Variants in PCDHGB4 observed in about 807,000 individuals in gnomAD.
The protein encoded by PCDHGB4 is protocadherin gamma subfamily B, 4, also known as protocadherin gamma-B4.
PCDHGB4 carries 38 observed loss-of-function variants against 60.5 expected under a neutral mutation model. The ratio of observed to expected loss-of-function variants is 0.63; its 90% CI spans 0.48 to 0.82. The LOEUF is 0.82. Ranked by LOEUF, PCDHGB4 falls within the 40% of genes least tolerant of loss-of-function variation. PCDHGB4 has a pLI of 0.00. For synonymous variants in PCDHGB4, 456 were observed against 509.7 expected (o/e 0.89, Z 1.42); for missense variants, 1,109 against 1,209.6 (o/e 0.92, Z 1.23).
intron 1 of PCDHGB4, chr5:141,395,290 T>A: frequency 6.5e-7 from 1 of 1,529,840 alleles, no homozygotes; most frequent in Non-Finnish European, 8.8e-7. Flanking sequence ...TTATTTGGCA[T>A]AAATTATGTT....
Position 141,486,676 on chromosome 5 carries a change from T to A in PCDHGB4, c.2398-8131T>A, listed in dbSNP as rs375080564. On this transcript the variant is annotated intron_variant, in intron 1 of 3. Coordinates refer to ENST00000519479, the MANE Select transcript of PCDHGB4 (RefSeq NM_003736.4). This position sits in a 1 kb window ranked among gnomAD's most constrained non-coding sequence, Gnocchi z 5.0. ...CACTCCTGGAGCCCAGGAATCGAGA[T>A]GTATCAGCTTCCTCTTTCATCTCTC... 3 of 1,614,002 alleles carry A rather than the reference T, an allele frequency of 1.9e-6. No homozygotes were observed. The highest frequency in any genetic ancestry group is 2.5e-6 in the Non-Finnish European group (3 of 1,180,036).
At position 141,509,122 on chromosome 5, in the gene PCDHGB4, G is replaced by A. The variant is rs2099875312; in HGVS notation, c.2546-1825G>A. 2.0e-5 allele frequency among the ~76,000 whole-genome samples: 3 copies of A among 152,154 alleles called. No homozygotes were observed. In the South Asian group the frequency reaches 6.2e-4, roughly 32 times the overall value. The stretch of plus-strand genomic sequence containing the variant: ...AGAAACCTGAGCGCTGGTGCGTGAA[G>A]AGAAAAACCGAGGCGCATCCCGGCT... On this transcript the variant is annotated intron_variant, in intron 3 of 3. Transcript: ENST00000519479.
chr5:141,510,995 G>T lies in PCDHGB4; in HGVS notation c.2594G>T (p.Gly865Val). ...STLGGGAGTM[G>V]LSARYGPQFT... is the part of the protein sequence containing the mutation. ...CTGGGAGGGGGTGCCGGCACCATGG[G>T]ATTGAGCGCCCGCTACGGACCCCAG... is the stretch of plus-strand genomic sequence containing the variant. Residue 865 changes from glycine to valine, a missense_variant, in exon 4 of 4, where the codon GGA becomes GTA. Physicochemically the swap from Gly to Val is moderately radical, Grantham distance 109. Around this residue, in one of 2 missense-constraint regions of PCDHGB4, gnomAD observed 1,068 missense variants for 1,089.9 expected, o/e 0.98. Coordinates refer to ENST00000519479, the MANE Select transcript of PCDHGB4 (RefSeq NM_003736.4). The T allele has an allele frequency of 6.2e-7, 1 of 1,614,172 alleles. No individual in the cohort carries two copies. Among genetic ancestry groups the T allele is most frequent in the Non-Finnish European group, 8.5e-7 (1 of 1,180,018 alleles).
Position 141,388,020 on chromosome 5 carries a change from G to A in PCDHGB4, c.136G>A (p.Val46Ile), listed in dbSNP as rs549084224. ...RIPEEMPKGS[V>I]VGNLATDLGF... ...TCCCGAGGAAATGCCCAAGGGCTCCGTAGTGGGGAACCTCGCCACGGACCT... is the reference window on the plus strand; with the variant it reads ...TCCCGAGGAAATGCCCAAGGGCTCCATAGTGGGGAACCTCGCCACGGACCT... Residue 46 changes from valine (V) to isoleucine (I), a missense_variant, in exon 1 of 4, where the codon GTA becomes ATA. By Grantham distance (29) the Val-to-Ile change is conservative. Around this residue, in one of 2 missense-constraint regions of PCDHGB4, gnomAD observed 41 missense variants for 119.7 expected, o/e 0.34. Coordinates refer to ENST00000519479, the MANE Select transcript of PCDHGB4 (RefSeq NM_003736.4). 32 of 1,459,094 alleles carry A rather than the reference G, an allele frequency of 2.2e-5. No individual in the cohort carries two copies. The highest frequency in any genetic ancestry group is 7.1e-5 in the African/African-American group (5 of 70,110). The allele number at this position is 1,459,094 out of a possible 1,614,324, so 90.4% of individuals were successfully genotyped here. A position where few individuals can be genotyped will look rare whatever the true frequency, so the allele number is the denominator to read the frequency against.
At position 141,388,261 on chromosome 5, in the gene PCDHGB4, T is replaced by G. The variant is rs1439243738; in HGVS notation, c.377T>G (p.Ile126Ser). 6.2e-7 allele frequency: 1 copy of G among 1,611,348 alleles called. No homozygotes were observed. The highest frequency in any genetic ancestry group is 2.2e-5 in the East Asian group (1 of 44,804). ...CACGTGAATGTGGAGATCGAGGACATTAATGACCACACGCCAAAATTCACG... is the reference window on the plus strand; with the variant it reads ...CACGTGAATGTGGAGATCGAGGACAGTAATGACCACACGCCAAAATTCACG... ...FYHVNVEIED[I>S]NDHTPKFTQN... Residue 126 changes from isoleucine (I) to serine (S), a missense_variant, in exon 1 of 4, where the codon ATT becomes AGT. Physicochemically the swap from Ile to Ser is moderately radical, Grantham distance 142. Around this residue, in one of 2 missense-constraint regions of PCDHGB4, gnomAD observed 1,068 missense variants for 1,089.9 expected, o/e 0.98. Coordinates refer to ENST00000519479, the MANE Select transcript of PCDHGB4 (RefSeq NM_003736.4).
rs556099456 is a variant in PCDHGB4, at chr5:141,430,033, C to A, written c.2397+39752C>A. ...ACTTGGGTTCTTGTTAAGTGTGATT[C>A]TGATAATGTATACAATCACATATCA... On this transcript the variant is annotated intron_variant, in intron 1 of 3. Coordinates refer to ENST00000519479, the MANE Select transcript of PCDHGB4 (RefSeq NM_003736.4). 1.2e-4 allele frequency among the ~76,000 whole-genome samples: 18 copies of A among 152,184 alleles called. 1 individual carries two copies. In the South Asian group the frequency reaches 3.3e-3, roughly 28 times the overall value.
intron 1 of PCDHGB4, among the ~76,000 whole-genome samples, chr5:141,407,170 AC>A (rs2154538102): frequency 6.6e-6 from 1 of 152,368 alleles, no homozygotes; most frequent in Admixed American, 6.5e-5. Flanking sequence ...ATCCTTTATG[AC>A]ATACAGACAT....
Position 141,485,666 on chromosome 5 carries a change from A to C in PCDHGB4, c.2398-9141A>C. 1.2e-6 allele frequency: 2 copies of C among 1,612,786 alleles called. No homozygotes were observed. Among genetic ancestry groups the C allele is most frequent in the Non-Finnish European group, 1.7e-6 (2 of 1,178,960 alleles). ...GGCTCAGGATGCAGATGTGGGGAGCAATTCGATTAGCAGCTATAGGCTGAG... is the reference window on the plus strand; with the variant it reads ...GGCTCAGGATGCAGATGTGGGGAGCCATTCGATTAGCAGCTATAGGCTGAG... On this transcript the variant is annotated intron_variant, in intron 1 of 3. Transcript: ENST00000519479. This position sits in a 1 kb window ranked among gnomAD's most constrained non-coding sequence, Gnocchi z 5.7.
At chr5:141,454,871 G>A (rs1337911223) in intron 1 of PCDHGB4, among the ~76,000 whole-genome samples, 2 of 129,030 alleles carry the variant, frequency 1.6e-5, no homozygotes, top group Non-Finnish European at 3.1e-5. Context: ...GCAGTGGCAC[G>A]ATCTTGGCTC....
At position 141,427,886 on chromosome 5, in the gene PCDHGB4, C is replaced by T. The variant is rs908553179; in HGVS notation, c.2397+37605C>T. The T allele has an allele frequency of 1.9e-6, 3 of 1,565,276 alleles. 1 individual carries two copies. On this transcript the variant is annotated intron_variant, in intron 1 of 3. Coordinates refer to ENST00000519479, the MANE Select transcript of PCDHGB4 (RefSeq NM_003736.4). ...TCGAGCTCACGATGCAGGCCCACGA[C>T]CAGGGCTCGCCCGCGCTCAGCGCCA...
At chr5:141,495,065 T>C (rs1413025171) in intron 2 of PCDHGB4, among the ~76,000 whole-genome samples, 200 bp downstream of exon 2, 1 of 152,148 alleles carries the variant, frequency 6.6e-6, no homozygotes, top group Admixed American at 6.5e-5. Flanking sequence ...TTCAGGAAGC[T>C]CAATTCACAT....
chr5:141,415,102 A>G, intron 1 of PCDHGB4: 2 of 1,613,550 alleles, frequency 1.2e-6, no homozygotes, highest in Non-Finnish European at 8.5e-7. Flanking sequence ...AGACGCGCTC[A>G]AGCAAAGCCT....
chr5:141,478,327 A>G lies in PCDHGB4; in HGVS notation c.2398-16480A>G, dbSNP rs149317962. The G allele has an allele frequency of 9.9e-6, 16 of 1,613,974 alleles. No homozygotes were observed. The African/African-American group carries it at 2.0e-4, about 20-fold the overall frequency. The stretch of plus-strand genomic sequence containing the variant: ...CCCCGGTGAGCTCACTGTACCGAAC[A>G]CCAGGGCCCTCCTTGCACGCGGACG... On this transcript the variant is annotated intron_variant, in intron 1 of 3. Transcript: ENST00000519479.
chr5:141,428,266 G>A (rs764763674), intron 1 of PCDHGB4: 1 of 810,620 alleles, frequency 1.2e-6, no homozygotes. Context: ...TGACAGTCCT[G>A]TGCCCTCTGA....
chr5:141,410,502 T>C, intron 1 of PCDHGB4: 2 of 1,614,018 alleles, frequency 1.2e-6, no homozygotes, highest in Non-Finnish European at 1.7e-6. Context: ...TTTAATTTCC[T>C]AAAATGCAGT....
chr5:141,430,534 C>CT (rs962032641), intron 1 of PCDHGB4: 2 of 381,726 alleles, frequency 5.2e-6, no homozygotes, highest in Non-Finnish European at 9.2e-6. Context: ...GGTTAGGACT[C>CT]TGAGCGCCGC....
intron 1 of PCDHGB4, chr5:141,441,114 T>A (rs1239606502): frequency 6.6e-6 from 1 of 152,218 alleles, no homozygotes; most frequent in Non-Finnish European, 1.5e-5. Context: ...TTGTCCAGTG[T>A]ACAGTTGAGA....
At chr5:141,417,384 GAAGA>G (rs2096114648) in intron 1 of PCDHGB4, 1 of 154,070 alleles carries the variant, frequency 6.5e-6, no homozygotes, top group African/African-American at 2.4e-5. Context: ...TTTAAATTTT[GAAGA>G]AAAAATATTC....
At chr5:141,483,988 G>A (rs78891657) in intron 1 of PCDHGB4, among the ~76,000 whole-genome samples, 1,520 of 149,036 alleles carry the variant, frequency 0.01, 30 homozygotes, top group African/African-American at 0.037. Flanking sequence ...TAGCTAGGTT[G>A]CTGGGAGGTC....
Sources: gnomAD v4.1 joint callset for allele counts (sites outside exome capture counted in the v4.1 genomes callset) on GRCh38, gnomAD v4.1.1 for gene constraint, gnomAD v4.1.1 regional missense constraint, Gnocchi (gnomAD v3.1) non-coding constraint, MANE v1.5 for transcripts, NCBI Gene and HGNC (gene_info 2026-07-23, HGNC 2026-07-21) for gene names.